Variants in ARHGEF18 observed in about 807,000 individuals in gnomAD.
ARHGEF18 encodes the protein Rho/Rac guanine nucleotide exchange factor 18, also known as rho guanine nucleotide exchange factor 18.
In ARHGEF18, 93 loss-of-function variants were observed where a neutral mutation model predicts 155.7. That is an observed-to-expected ratio of 0.60 (90% CI 0.50 to 0.71). The LOEUF (loss-of-function observed/expected upper bound fraction) is 0.71, where lower values mean the gene tolerates loss of function less well. Ranked by LOEUF, ARHGEF18 falls within the 30% of genes least tolerant of loss-of-function variation. The pLI is 0.00. For missense variants in ARHGEF18, 1,593 were observed against 1,816.1 expected (o/e 0.88, Z 2.23); for synonymous variants, 742 against 753.1 (o/e 0.99, Z 0.24).
intron 10 of ARHGEF18, among the ~76,000 whole-genome samples, chr19:7,409,152 T>G (rs1478971506): frequency 6.9e-6 from 1 of 145,150 alleles, no homozygotes; most frequent in African/African-American, 2.6e-5. Flanking sequence ...CTCCGCCTCC[T>G]GGGTTCATGC....
chr19:7,444,175 G>T lies in ARHGEF18; in HGVS notation c.1361-29G>T. 1 of 1,605,506 alleles carries T rather than the reference G, an allele frequency of 6.2e-7. No homozygotes were observed. The highest frequency in any genetic ancestry group is 8.5e-7 in the Non-Finnish European group (1 of 1,174,322). ...CCAGCGGGGCCGTGGAGCCAGCATG[G>T]CTAAGTCCTGCCGTCTGTGTCCCTG... On this transcript the variant is annotated intron_variant, in intron 13 of 28. Coordinates refer to ENST00000668164, the MANE Select transcript of ARHGEF18 (RefSeq NM_001367823.1). This position sits in a 1 kb window ranked among gnomAD's most constrained non-coding sequence, Gnocchi z 4.7.
intron 2 of ARHGEF18, among the ~76,000 whole-genome samples, chr19:7,370,871 C>T (rs1157172902): frequency 2.0e-5 from 3 of 151,542 alleles, no homozygotes; most frequent in African/African-American, 7.3e-5. Flanking sequence ...TCTCTGGACT[C>T]GTCGGGTTCA....
chr19:7,395,127 C>T lies in ARHGEF18; in HGVS notation c.967+11924C>T, dbSNP rs1193783599. ...GCGCTGCTCTCCTCGCGCGGCTTCC[C>T]GCTTCCGGCTCCCAGCTGCTAGCTA... On this transcript the variant is annotated intron_variant, in intron 10 of 28. Coordinates refer to ENST00000668164, the MANE Select transcript of ARHGEF18 (RefSeq NM_001367823.1). This position sits in a 1 kb window ranked among gnomAD's most constrained non-coding sequence, Gnocchi z 5.0. The T allele has an allele frequency of 1.3e-5, 13 of 985,554 alleles. No individual in the cohort carries two copies. Among genetic ancestry groups the T allele is most frequent in the South Asian group, 4.7e-5 (1 of 21,296 alleles). 61.1% of individuals were successfully genotyped at this position (985,554 alleles called of 1,614,324 possible).
intron 15 of ARHGEF18, 112 bp from the exon 16 acceptor site, chr19:7,451,037 C>T (rs991003233): frequency 2.2e-5 from 21 of 938,746 alleles, no homozygotes; most frequent in Non-Finnish European, 3.2e-5. Context: ...TCTTGCTGTC[C>T]ATTTCCGAGA....
At position 7,352,069 on chromosome 19, in the gene ARHGEF18, G is replaced by A. The variant is rs184306092; in HGVS notation, c.-111+2828G>A. Among the ~76,000 whole-genome samples, 204 of 151,956 alleles carry A rather than the reference G, an allele frequency of 1.3e-3. 2 individuals are homozygous for A. In the East Asian group the frequency reaches 0.028, roughly 21 times the overall value. The stretch of plus-strand genomic sequence containing the variant: ...TTGTCTGTGTTTCTTCTTGTTTTTT[G>A]GTCATGAGGTTCTGTCTTCTAGTAT... On this transcript the variant is annotated intron_variant, in intron 1 of 28. Transcript: ENST00000668164.
At chr19:7,473,487 T>C (rs1977124577), downstream of ARHGEF18, 1 of 351,348 alleles carries the variant, frequency 2.8e-6, no homozygotes, top group Non-Finnish European at 5.6e-6. Context: ...CTGGGCAACA[T>C]AGTGAAACCC....
rs552623726 is a variant in ARHGEF18, at chr19:7,354,853, T to C, written c.-111+5612T>C. On this transcript the variant is annotated intron_variant, in intron 1 of 28. Transcript: ENST00000668164. The stretch of plus-strand genomic sequence containing the variant: ...AGTTGGAGGCTGCAGTGAGCTGTGG[T>C]CACGCCATTGCACTCCAGCCTGGGT... Among the ~76,000 whole-genome samples, 4 of 151,978 alleles carry C rather than the reference T, an allele frequency of 2.6e-5. No individual in the cohort carries two copies. In the South Asian group the frequency reaches 8.3e-4, roughly 32 times the overall value.
At position 7,444,312 on chromosome 19, in the gene ARHGEF18, G is replaced by T. The variant is rs960519789; in HGVS notation, c.1469G>T (p.Arg490Leu). The change falls in exon 14 of 29, where the codon CGC becomes CTC. Residue 490 changes from arginine (R) to leucine (L), a missense_variant. Arg to Leu is a moderately radical substitution (Grantham distance 102). Coordinates refer to ENST00000668164, the MANE Select transcript of ARHGEF18 (RefSeq NM_001367823.1). The surrounding 1 kb of genome is among the most constrained non-coding windows in gnomAD (Gnocchi z 4.7). ...ELQFSSKAIG[R>L]LFPCADDLLE... is the part of the protein sequence containing the mutation. ...CAGTTCAGCAGCAAGGCCATTGGCC[G>T]CCTCTTCCCATGCGCTGACGACCTG... The T allele has an allele frequency of 9.3e-6, 15 of 1,613,508 alleles. No homozygotes were observed. In the African/African-American group the frequency reaches 1.6e-4, roughly 17 times the overall value.
rs1043412 is a variant in ARHGEF18 at position 7,472,221 on chromosome 19, G to A, written c.*1923G>A. 49,236 of 152,278 alleles carry A rather than the reference G, an allele frequency of 0.32. 8,490 individuals are homozygous for A. The highest frequency in any genetic ancestry group is 0.51 in the Middle Eastern group (149 of 294). 9.4% of individuals were successfully genotyped at this position (152,278 alleles called of 1,614,324 possible). A position where few individuals can be genotyped will look rare whatever the true frequency, so the allele number is the denominator to read the frequency against. ...GTCTCAGTCGTGCTAGGCATCGGGC[G>A]GCAGCGCCGACAGCCCTTCCCTCGC... On this transcript the variant is annotated 3_prime_UTR_variant, in exon 29 of 29. Transcript: ENST00000668164.
chr19:7,412,386 G>A (rs1050936401), intron 10 of ARHGEF18, among the ~76,000 whole-genome samples: 23 of 151,916 alleles, frequency 1.5e-4, no homozygotes, highest in Non-Finnish European at 2.9e-5. Flanking sequence ...CCTACCAGCA[G>A]TGTATGAGGG....
intron 10 of ARHGEF18, among the ~76,000 whole-genome samples, chr19:7,402,264 C>G (rs1343240228): frequency 6.6e-6 from 1 of 152,014 alleles, no homozygotes; most frequent in Non-Finnish European, 1.5e-5. Flanking sequence ...ACTAAAAATA[C>G]AAAAATTAGC....
chr19:7,388,371 G>T (rs1971199603), intron 10 of ARHGEF18, among the ~76,000 whole-genome samples: 1 of 151,708 alleles, frequency 6.6e-6, no homozygotes. Flanking sequence ...TGGGATTACT[G>T]GTATGAACTA....
chr19:7,462,252 C>T lies in ARHGEF18; in HGVS notation c.2553C>T (p.Pro851=), dbSNP rs1976316268. The change falls in exon 21 of 29, where the codon CCC becomes CCT. Residue 851 remains proline (P), a synonymous_variant. Transcript: ENST00000668164. The surrounding 1 kb of genome is among the most constrained non-coding windows in gnomAD (Gnocchi z 4.4). ...MAEMGGLEDL[P]QPRGLFRGGD... ...AGATGGGCGGCCTCGAAGACCTGCC[C>T]CAGCCCCGAGGCCTATTCCGTGGAG... is the stretch of plus-strand genomic sequence containing the variant. The T allele has an allele frequency of 6.2e-7, 1 of 1,613,866 alleles. No individual in the cohort carries two copies. Among genetic ancestry groups the T allele is most frequent in the Non-Finnish European group, 8.5e-7 (1 of 1,180,010 alleles).
chr19:7,370,013 A>G (rs1970128574), intron 2 of ARHGEF18, among the ~76,000 whole-genome samples: 1 of 152,052 alleles, frequency 6.6e-6, no homozygotes, highest in Non-Finnish European at 1.5e-5. Context: ...CCTCGGCAAC[A>G]TGATGAAACC....
At chr19:7,478,323 G>A in the ARHGEF18 span, 22 of 1,610,834 alleles carry the variant, frequency 1.4e-5, no homozygotes, top group African/African-American at 1.5e-4. Flanking sequence ...CCTGGTGAAG[G>A]GCGCCGTGGG....
chr19:7,420,796 C>T (rs1385153178), intron 10 of ARHGEF18, among the ~76,000 whole-genome samples: 2 of 152,174 alleles, frequency 1.3e-5, no homozygotes, highest in Non-Finnish European at 2.9e-5. Flanking sequence ...GCAGGTGGCC[C>T]TGCCCTGAGT....
At chr19:7,468,379 T>TA (rs75289003) in intron 26 of ARHGEF18, among the ~76,000 whole-genome samples, 32,214 of 148,770 alleles carry the variant, frequency 0.22, 4,552 homozygotes, top group African/African-American at 0.41. Flanking sequence ...ACCTCATCTC[T>TA]AAAAAAAAAA....
intron 15 of ARHGEF18, among the ~76,000 whole-genome samples, chr19:7,447,444 G>A (rs7343154): frequency 0.32 from 48,802 of 151,538 alleles, 8,219 homozygotes; most frequent in Middle Eastern, 0.5. Context: ...AGCCGAGATC[G>A]TGCCACTGCC....
chr19:7,460,689 G>A (rs958049343), intron 20 of ARHGEF18, among the ~76,000 whole-genome samples: 10 of 152,066 alleles, frequency 6.6e-5, no homozygotes, highest in South Asian at 6.2e-4. Flanking sequence ...ATTAAGGTTC[G>A]CCCGCGCTCA....
Sources: gnomAD v4.1 joint callset for allele counts (sites outside exome capture counted in the v4.1 genomes callset) on GRCh38, gnomAD v4.1.1 for gene constraint, Gnocchi (gnomAD v3.1) non-coding constraint, MANE v1.5 for transcripts, NCBI Gene and HGNC (gene_info 2026-07-23, HGNC 2026-07-21) for gene names.